PARP15: variants seen among roughly 807,000 people sequenced by gnomAD.
PARP15 encodes protein mono-ADP-ribosyltransferase PARP15.
PARP15 carries 50 observed loss-of-function variants against 62.1 expected under a neutral mutation model. That is an observed-to-expected ratio of 0.81 (90% CI 0.64 to 1.02). The LOEUF (loss-of-function observed/expected upper bound fraction) is 1.02. Among genes scored for constraint, PARP15 ranks in the 50% least tolerant of loss-of-function variants. PARP15 has a pLI of 0.00. For synonymous variants in PARP15, 309 were observed against 293.1 expected, an observed-to-expected ratio of 1.05 and a Z score of -0.55; for missense variants, 820 against 826.5, an observed-to-expected ratio of 0.99 and a Z score of 0.10.
chr3:122,606,941 C>T (rs933228478), intron 2 of PARP15, among the ~76,000 whole-genome samples: 4 of 152,188 alleles, frequency 2.6e-5, no homozygotes, highest in African/African-American at 9.7e-5. Context: ...TGGAAATATT[C>T]TTTGCATTTG....
chr3:122,580,794 G>T (rs1031194718), intron 1 of PARP15, among the ~76,000 whole-genome samples: 1 of 151,688 alleles, frequency 6.6e-6, no homozygotes, highest in Non-Finnish European at 1.5e-5. Context: ...TGGCTATTGT[G>T]ACTAATAATA....
chr3:122,610,447 A>G (rs1176813617), intron 2 of PARP15, 47 bp from the exon 3 acceptor site: 7 of 1,455,460 alleles, frequency 4.8e-6, no homozygotes, highest in Non-Finnish European at 6.5e-6. Flanking sequence ...TTGCTCCATC[A>G]TTATGTATTA....
chr3:122,624,723 A>T (rs748869216), intron 8 of PARP15, among the ~76,000 whole-genome samples: 1 of 152,304 alleles, frequency 6.6e-6, no homozygotes, highest in South Asian at 2.1e-4. Context: ...GGCTGTAAAC[A>T]TTTATGCGAT....
chr3:122,610,612 G>A lies in PARP15; in HGVS notation c.425G>A (p.Arg142Gln), dbSNP rs545127090. ...MLQKELDDRRRETEEKVGNIF... is the reference protein window; with the variant it reads ...MLQKELDDRRQETEEKVGNIF... ...CAGAAAGAGTTAGATGACAGAAGGCGGGAAACAGAGGAAAAAGTAGGTAAC... is the reference window on the plus strand; with the variant it reads ...CAGAAAGAGTTAGATGACAGAAGGCAGGAAACAGAGGAAAAAGTAGGTAAC... Residue 142 changes from arginine (R) to glutamine (Q), a missense_variant, in exon 3 of 12, where the codon CGG becomes CAG. Transcript: ENST00000464300. 29 of 1,551,726 alleles carry A rather than the reference G, an allele frequency of 1.9e-5. 1 individual carries two copies. The highest frequency in any genetic ancestry group is 9.8e-5 in the Admixed American group (5 of 50,992).
At chr3:122,635,397 G>A (rs145698201) in intron 11 of PARP15, among the ~76,000 whole-genome samples, 7 of 151,670 alleles carry the variant, frequency 4.6e-5, no homozygotes, top group East Asian at 3.9e-4. Context: ...TAACTTTAAC[G>A]TGCAGTTTTT....
intron 1 of PARP15, among the ~76,000 whole-genome samples, chr3:122,589,480 A>G (rs996922409): frequency 6.6e-6 from 1 of 152,232 alleles, no homozygotes; most frequent in Non-Finnish European, 1.5e-5. Flanking sequence ...CATGGTAACT[A>G]ACTTTTTAAG....
chr3:122,593,949 C>T (rs1338320784), intron 1 of PARP15, among the ~76,000 whole-genome samples: 1 of 152,156 alleles, frequency 6.6e-6, no homozygotes, highest in Non-Finnish European at 1.5e-5. Context: ...TAAGCACTTA[C>T]TCTATGCCAG....
intron 3 of PARP15, 105 bp from the exon 4 acceptor site, chr3:122,612,936 C>A: frequency 1.0e-6 from 1 of 994,500 alleles, no homozygotes; most frequent in Non-Finnish European, 1.5e-6. Flanking sequence ...CTGACTAAGC[C>A]AACAATAGCA....
Position 122,615,865 on chromosome 3 carries a change from A to G in PARP15, c.850+8A>G. The G allele has an allele frequency of 6.2e-7, 1 of 1,607,704 alleles. No homozygotes were observed. The highest frequency in any genetic ancestry group is 1.1e-5 in the South Asian group (1 of 90,576). On this transcript the variant is annotated splice_region_variant and intron_variant, in intron 5 of 11. Coordinates refer to ENST00000464300, the MANE Select transcript of PARP15 (RefSeq NM_001113523.3). ...TGGCAGGAGATACCCAAGGTCTGGT[A>G]AAGTCGTTCTGCTAAGGAAATATTT...
intron 1 of PARP15, among the ~76,000 whole-genome samples, chr3:122,604,285 A>C (rs943281777): frequency 1.3e-5 from 2 of 152,166 alleles, no homozygotes; most frequent in Non-Finnish European, 2.9e-5. Context: ...TGACCCTTTA[A>C]ATTCTAAAAT....
Position 122,607,938 on chromosome 3 carries a change from C to G in PARP15, c.306+1883C>G, listed in dbSNP as rs188731780. Among the ~76,000 whole-genome samples, 33 of 152,300 alleles carry G rather than the reference C, an allele frequency of 2.2e-4. No individual in the cohort carries two copies. The East Asian group carries it at 6.4e-3, about 29-fold the overall frequency. The stretch of plus-strand genomic sequence containing the variant: ...AATCACGCCTCAGTACTACCCTTAC[C>G]TCCTTGTCACTCTTTAATCTGTCCT... On this transcript the variant is annotated intron_variant, in intron 2 of 11. Coordinates refer to ENST00000464300, the MANE Select transcript of PARP15 (RefSeq NM_001113523.3).
Position 122,626,977 on chromosome 3 carries a change from A to G in PARP15, c.1382A>G (p.Lys461Arg), listed in dbSNP as rs1936775448. The stretch of plus-strand genomic sequence containing the variant: ...CTAAATATATTCTACGACAGCATGA[A>G]AAAAAGAGACCTCTCTGCATCACTG... ...ELLNIFYDSM[K>R]KRDLSASLNF... is the part of the protein sequence containing the mutation. The change falls in exon 9 of 12, where the codon AAA (lysine) becomes AGA (arginine). Residue 461 changes from lysine to arginine, a missense_variant. Lys to Arg is a conservative substitution (Grantham distance 26, BLOSUM62 2). This residue lies in a region of PARP15 where 731 missense variants were observed against 727.7 expected (regional missense o/e 1.00). Transcript: ENST00000464300. 1 of 1,614,086 alleles carries G rather than the reference A, an allele frequency of 6.2e-7. No individual in the cohort carries two copies. Among genetic ancestry groups the G allele is most frequent in the Admixed American group, 1.7e-5 (1 of 60,010 alleles).
In PARP15 at chr3:122,635,795, G is replaced by A. The variant is rs1444603105; in HGVS notation, c.1748-16G>A. 2 of 1,598,830 alleles carry A rather than the reference G, an allele frequency of 1.3e-6. No individual in the cohort carries two copies. The highest frequency in any genetic ancestry group is 1.7e-5 in the Admixed American group (1 of 57,436). On this transcript the variant is annotated splice_polypyrimidine_tract_variant and intron_variant, in intron 11 of 11. Coordinates refer to ENST00000464300, the MANE Select transcript of PARP15 (RefSeq NM_001113523.3). ...ATTTTATATTCTTAGGAAGGTTTTT[G>A]TCTTTCTCTTTCCAGCTGTATCCTA...
At chr3:122,586,440 C>A (rs1933436332) in intron 1 of PARP15, among the ~76,000 whole-genome samples, 1 of 151,952 alleles carries the variant, frequency 6.6e-6, no homozygotes, top group South Asian at 2.1e-4. Context: ...AAACTCCTGG[C>A]CTGAAGTGAT....
chr3:122,613,408 C>T, intron 4 of PARP15, 140 bp downstream of exon 4: 4 of 721,478 alleles, frequency 5.5e-6, no homozygotes, highest in Non-Finnish European at 2.3e-6. Context: ...TGTCATATGA[C>T]TTAACTATGA....
chr3:122,612,920 C>A, intron 3 of PARP15, 121 bp from the exon 4 acceptor site: 1 of 819,044 alleles, frequency 1.2e-6, no homozygotes, highest in Non-Finnish European at 1.9e-6. Flanking sequence ...TCTGACTTCT[C>A]AGGCCCTGAC....
intron 1 of PARP15, among the ~76,000 whole-genome samples, chr3:122,578,331 G>A (rs2080728591): frequency 6.6e-6 from 1 of 152,124 alleles, no homozygotes; most frequent in South Asian, 2.1e-4. Flanking sequence ...TTATAGAAGA[G>A]TTCACTCATG....
At chr3:122,613,646 T>C (rs1299995329) in intron 4 of PARP15, among the ~76,000 whole-genome samples, 2 of 152,090 alleles carry the variant, frequency 1.3e-5, no homozygotes, top group Admixed American at 6.6e-5. Context: ...TCTACACAAG[T>C]CTGTGAGTGT....
At chr3:122,590,421 C>T (rs912826749) in intron 1 of PARP15, among the ~76,000 whole-genome samples, 7 of 151,818 alleles carry the variant, frequency 4.6e-5, no homozygotes, top group Admixed American at 2.0e-4. Flanking sequence ...TACAGGCACC[C>T]AGCACCACGC....
Sources: allele counts gnomAD v4.1 joint callset (sites outside exome capture counted in the v4.1 genomes callset), GRCh38; gene constraint gnomAD v4.1.1; regional missense constraint gnomAD v4.1.1; transcripts MANE v1.5; gene names NCBI Gene and HGNC (gene_info 2026-07-23, HGNC 2026-07-21).